Variants in CDON observed in about 807,000 individuals in gnomAD.
CDON encodes cell adhesion associated, oncogene regulated, also known as cell adhesion molecule-related/down-regulated by oncogenes.
Under a neutral mutation model 120.9 loss-of-function variants are expected in CDON, and 73 were observed. The observed-to-expected ratio is 0.60, with a 90% CI of 0.50 to 0.73. CDON has a LOEUF of 0.73. Ranked by LOEUF, CDON falls within the 30% of genes least tolerant of loss-of-function variation. The probability of loss-of-function intolerance (pLI) is 0.00; values close to 1 mark genes in which losing one functional copy is unlikely to be tolerated. For missense variants in CDON, 1,470 were observed against 1,587.3 expected (o/e 0.93, Z 1.26); for synonymous variants, 566 against 573.5 (o/e 0.99, Z 0.19).
In CDON at chr11:126,062,761, T is replaced by A. The variant is rs117437024; in HGVS notation, c.-244A>T. ...GGAGCGGCGCCTCGCACGCCGGGGCTGGGGCGCTGGGCAGGGCGGGCGGGC... is the reference window on the plus strand; with the variant it reads ...GGAGCGGCGCCTCGCACGCCGGGGCAGGGGCGCTGGGCAGGGCGGGCGGGC... On this transcript the variant is annotated 5_prime_UTR_variant, in exon 1 of 20. Transcript: ENST00000531738. 1 of 151,184 alleles carries A rather than the reference T, an allele frequency of 6.6e-6. No individual in the cohort carries two copies. The highest frequency in any genetic ancestry group is 2.0e-4 in the East Asian group (1 of 5,122). 9.4% of individuals were successfully genotyped at this position (151,184 alleles called of 1,614,324 possible).
chr11:125,987,882 T>G (rs1946514629), intron 15 of CDON, among the ~76,000 whole-genome samples: 1 of 152,224 alleles, frequency 6.6e-6, no homozygotes, highest in Non-Finnish European at 1.5e-5. Flanking sequence ...GCTTAAGATG[T>G]GAGTATTGCA....
At position 126,043,980 on chromosome 11, in the gene CDON, G is replaced by A. The variant is rs532515143; in HGVS notation, c.-62+18599C>T. 1.5e-4 allele frequency among the ~76,000 whole-genome samples: 23 copies of A among 152,288 alleles called. No homozygotes were observed. In the South Asian group the frequency reaches 4.4e-3, roughly 29 times the overall value. ...ACAGGTCCCAAAATTTCAGTGCCCA[G>A]GTGCATTTGCATTTTTGGATCACAG... On this transcript the variant is annotated intron_variant, in intron 1 of 19. Coordinates refer to ENST00000531738, the MANE Select transcript of CDON (RefSeq NM_001378964.1).
chr11:126,055,258 A>G (rs1266379929), intron 1 of CDON, among the ~76,000 whole-genome samples: 4 of 152,136 alleles, frequency 2.6e-5, no homozygotes, highest in Admixed American at 2.6e-4. Context: ...CCAAAGTTTG[A>G]GGAGGAGGAT....
chr11:126,031,897 G>A (rs1348201863), intron 1 of CDON, among the ~76,000 whole-genome samples: 2 of 152,128 alleles, frequency 1.3e-5, no homozygotes, highest in Admixed American at 1.3e-4. Flanking sequence ...CCTTTGACAA[G>A]CATAATAAAC....
At chr11:126,035,683 T>C (rs1330718952) in intron 1 of CDON, among the ~76,000 whole-genome samples, 3 of 152,104 alleles carry the variant, frequency 2.0e-5, no homozygotes, top group African/African-American at 7.2e-5. Flanking sequence ...AAAACACAAA[T>C]TGGCCTATGT....
chr11:126,001,637 C>T, intron 11 of CDON, 82 bp downstream of exon 11: 1 of 1,169,700 alleles, frequency 8.5e-7, no homozygotes. Flanking sequence ...AATAAACAAA[C>T]ACCCTATTCC....
intron 1 of CDON, among the ~76,000 whole-genome samples, chr11:126,061,092 GAC>G (rs1392044311): frequency 1.3e-5 from 2 of 152,178 alleles, no homozygotes; most frequent in Non-Finnish European, 2.9e-5. Flanking sequence ...TTCAAACAAA[GAC>G]AGATTTCCCA....
intron 4 of CDON, among the ~76,000 whole-genome samples, chr11:126,019,325 A>C (rs1947563006): frequency 6.6e-6 from 1 of 152,228 alleles, no homozygotes; most frequent in Non-Finnish European, 1.5e-5. Context: ...TCTATAAAGA[A>C]AAGCAAAACG....
At chr11:125,984,995 G>A (rs1946424082) in intron 15 of CDON, among the ~76,000 whole-genome samples, 1 of 152,086 alleles carries the variant, frequency 6.6e-6, no homozygotes, top group South Asian at 2.1e-4. Context: ...CTAGTAACAG[G>A]TGGGACTCAA....
intron 18 of CDON, among the ~76,000 whole-genome samples, chr11:125,977,593 T>C (rs904265232): frequency 6.6e-6 from 1 of 152,186 alleles, no homozygotes; most frequent in East Asian, 1.9e-4. Context: ...AACATCATTA[T>C]GTAAAAGAAA....
Position 126,012,519 on chromosome 11 carries a change from A to G in CDON, c.1199-1825T>C, listed in dbSNP as rs1947336149. ...CGGGTTCTAGAAATTCTCCTGCCTC[A>G]GCCTCCTGAGTAGCTGGGACTACAG... is the stretch of plus-strand genomic sequence containing the variant. On this transcript the variant is annotated intron_variant, in intron 7 of 19. Coordinates refer to ENST00000531738, the MANE Select transcript of CDON (RefSeq NM_001378964.1). Among the ~76,000 whole-genome samples, 3 of 151,214 alleles carry G rather than the reference A, an allele frequency of 2.0e-5. No homozygotes were observed. In the East Asian group the frequency reaches 5.8e-4, roughly 29 times the overall value.
chr11:126,004,350 T>C (rs1188375097), intron 9 of CDON: 1 of 461,404 alleles, frequency 2.2e-6, no homozygotes, highest in Admixed American at 3.5e-5. Context: ...TCCCAGACTC[T>C]GTTTCCTTTA....
intron 14 of CDON, among the ~76,000 whole-genome samples, chr11:125,992,912 T>C (rs193301049): frequency 2.6e-5 from 4 of 152,320 alleles, no homozygotes; most frequent in African/African-American, 9.6e-5. Flanking sequence ...AAAAAGACCT[T>C]GGAAAAAGCC....
At chr11:125,973,290 T>C (rs1025442819) in intron 18 of CDON, among the ~76,000 whole-genome samples, 4 of 152,110 alleles carry the variant, frequency 2.6e-5, no homozygotes, top group African/African-American at 7.2e-5. Context: ...CCCAGCACTT[T>C]GGGAGGCCAA....
intron 1 of CDON, among the ~76,000 whole-genome samples, chr11:126,056,099 C>T (rs567064611): frequency 3.9e-5 from 6 of 152,264 alleles, no homozygotes; most frequent in African/African-American, 1.4e-4. Flanking sequence ...TTATTTGGTT[C>T]AATGTTGCAC....
Position 126,054,169 on chromosome 11 carries a change from A to C in CDON, c.-62+8410T>G, listed in dbSNP as rs143775688. Among the ~76,000 whole-genome samples the C allele has an allele frequency of 3.4e-3, 513 of 152,298 alleles. 7 individuals are homozygous for C. The highest frequency in any genetic ancestry group is 0.011 in the African/African-American group (453 of 41,566). On this transcript the variant is annotated intron_variant, in intron 1 of 19. Transcript: ENST00000531738. Reference sequence around the variant, plus strand: ...TACAGTAAAATAAAAAATTCTAATTACTTTTATTCTGATACTGTAAAAAGC... The same window carrying C: ...TACAGTAAAATAAAAAATTCTAATTCCTTTTATTCTGATACTGTAAAAAGC...
chr11:126,013,719 T>G (rs1947373526), intron 7 of CDON, among the ~76,000 whole-genome samples: 1 of 152,134 alleles, frequency 6.6e-6, no homozygotes, highest in Admixed American at 6.5e-5. Flanking sequence ...TCCATTTTCT[T>G]AGACTTTACA....
chr11:126,001,722 C>T lies in CDON; in HGVS notation c.2155G>A (p.Gly719Arg), dbSNP rs759696165. The change falls in exon 11 of 20, where the codon GGA becomes AGA. Residue 719 changes from glycine to arginine, a missense_variant. By Grantham distance (125) the Gly-to-Arg change is moderately radical. Coordinates refer to ENST00000531738, the MANE Select transcript of CDON (RefSeq NM_001378964.1). ...AATAAAATATTCTTCTTTTTACCTCCACTGTGCCTAGAGGAATCTGTAAGT... is the reference window on the plus strand; with the variant it reads ...AATAAAATATTCTTCTTTTTACCTCTACTGTGCCTAGAGGAATCTGTAAGT... ...VVLTDSSRHS[G>R]VPEAPDRPTI... 3.1e-6 allele frequency: 5 copies of T among 1,613,206 alleles called. No homozygotes were observed. The highest frequency in any genetic ancestry group is 4.2e-6 in the Non-Finnish European group (5 of 1,179,284).
At chr11:125,973,523 T>G (rs1946063697) in intron 18 of CDON, among the ~76,000 whole-genome samples, 1 of 152,122 alleles carries the variant, frequency 6.6e-6, no homozygotes, top group South Asian at 2.1e-4. Flanking sequence ...AGAGTGAGAC[T>G]CCATCTCAGA....
Sources: allele counts gnomAD v4.1 joint callset (sites outside exome capture counted in the v4.1 genomes callset), GRCh38; gene constraint gnomAD v4.1.1; transcripts MANE v1.5; gene names NCBI Gene and HGNC (gene_info 2026-07-23, HGNC 2026-07-21).